JAZF1: variants seen among roughly 807,000 people sequenced by gnomAD.
The protein encoded by JAZF1 is JAZF zinc finger 1, also known as juxtaposed with another zinc finger protein 1.
A neutral mutation model predicts 26.4 loss-of-function variants in JAZF1; 8 were observed. That is an observed-to-expected ratio of 0.30 (90% CI 0.18 to 0.55). JAZF1 has a LOEUF of 0.55. Among genes scored for constraint, JAZF1 ranks in the 20% least tolerant of loss-of-function variants. The pLI, the probability that JAZF1 is intolerant of heterozygous loss-of-function variation, is 0.94. For synonymous variants in JAZF1, 126 were observed against 122.3 expected, an observed-to-expected ratio of 1.03 and a Z score of -0.20; for missense variants, 199 against 322.0, an observed-to-expected ratio of 0.62 and a Z score of 2.92.
At chr7:27,854,598 T>A (rs945883417) in intron 3 of JAZF1, among the ~76,000 whole-genome samples, 2 of 152,230 alleles carry the variant, frequency 1.3e-5, no homozygotes, top group African/African-American at 4.8e-5. Context: ...TGCTTCTCTG[T>A]AAAGGATGTT....
At chr7:27,970,100 C>T (rs75716372) in intron 2 of JAZF1, among the ~76,000 whole-genome samples, 2 of 152,020 alleles carry the variant, frequency 1.3e-5, no homozygotes, top group Non-Finnish European at 2.9e-5. Context: ...AAACTAGACA[C>T]CTGGAAGTAT....
chr7:28,049,007 T>TCCTC (rs149791475), intron 1 of JAZF1, among the ~76,000 whole-genome samples: 4,353 of 123,576 alleles, frequency 0.035, 183 homozygotes, highest in African/African-American at 0.082. Flanking sequence ...TTCCCTTCCT[T>TCCTC]CCTCCCTCCC....
chr7:28,119,289 T>A (rs1025704411), intron 1 of JAZF1, among the ~76,000 whole-genome samples: 11 of 152,194 alleles, frequency 7.2e-5, no homozygotes, highest in African/African-American at 2.7e-4. Context: ...TGATTTGCCC[T>A]TATATCATAT....
At chr7:27,990,830 T>C (rs1224975699) in intron 2 of JAZF1, among the ~76,000 whole-genome samples, 1 of 152,230 alleles carries the variant, frequency 6.6e-6, no homozygotes, top group Non-Finnish European at 1.5e-5. Context: ...GAAGGCGTTC[T>C]ATTTAACACA....
chr7:28,013,295 C>T (rs1782829478), intron 1 of JAZF1, among the ~76,000 whole-genome samples: 1 of 152,108 alleles, frequency 6.6e-6, no homozygotes, highest in Non-Finnish European at 1.5e-5. Context: ...GGAACCAGAC[C>T]TAGCATAGGG....
chr7:28,175,590 A>C (rs1184239718), intron 1 of JAZF1, among the ~76,000 whole-genome samples: 1 of 152,242 alleles, frequency 6.6e-6, no homozygotes, highest in Non-Finnish European at 1.5e-5. Context: ...GACAAGTGGC[A>C]GACATGTGTG....
chr7:28,118,753 G>A (rs1303951867), intron 1 of JAZF1, among the ~76,000 whole-genome samples: 3 of 132,182 alleles, frequency 2.3e-5, no homozygotes, highest in Admixed American at 8.2e-5. Context: ...CTATTTCTAA[G>A]AGAGTTTTAC....
At chr7:28,008,051 T>C (rs1782734647) in intron 1 of JAZF1, among the ~76,000 whole-genome samples, 1 of 152,150 alleles carries the variant, frequency 6.6e-6, no homozygotes, top group East Asian at 1.9e-4. Flanking sequence ...CTCCTTTGGG[T>C]GACTGATCTT....
chr7:28,061,093 T>C (rs373320379), intron 1 of JAZF1, among the ~76,000 whole-genome samples: 3 of 152,364 alleles, frequency 2.0e-5, no homozygotes, highest in African/African-American at 7.2e-5. Flanking sequence ...TTCCTACTTC[T>C]AAAATGGGAA....
intron 1 of JAZF1, among the ~76,000 whole-genome samples, chr7:28,013,493 T>C (rs1021646571): frequency 1.3e-5 from 2 of 152,140 alleles, no homozygotes; most frequent in Non-Finnish European, 2.9e-5. Context: ...GCATCCCCAG[T>C]GCTCCTGATT....
At chr7:27,980,510 G>C (rs974398876) in intron 2 of JAZF1, among the ~76,000 whole-genome samples, 10 of 152,020 alleles carry the variant, frequency 6.6e-5, no homozygotes, top group East Asian at 1.9e-4. Flanking sequence ...AATCCAAAAA[G>C]CTAGCTCCAT....
intron 1 of JAZF1, among the ~76,000 whole-genome samples, chr7:28,104,257 T>C (rs1353230091): frequency 6.6e-6 from 1 of 152,232 alleles, no homozygotes; most frequent in East Asian, 1.9e-4. Flanking sequence ...CTTTTCTCCA[T>C]GGCAGTTTCA....
At chr7:28,039,178 G>A (rs1167059441) in intron 1 of JAZF1, among the ~76,000 whole-genome samples, 2 of 152,122 alleles carry the variant, frequency 1.3e-5, no homozygotes, top group Non-Finnish European at 2.9e-5. Flanking sequence ...AGCCCTCCTT[G>A]GTGCAGGGCT....
At chr7:28,154,468 T>G (rs774464614) in intron 1 of JAZF1, among the ~76,000 whole-genome samples, 1 of 152,180 alleles carries the variant, frequency 6.6e-6, no homozygotes, top group East Asian at 1.9e-4. Flanking sequence ...TCATATCCAA[T>G]AGTCTGATGT....
chr7:28,050,245 G>A (rs1783589303), intron 1 of JAZF1, among the ~76,000 whole-genome samples: 1 of 152,150 alleles, frequency 6.6e-6, no homozygotes, highest in South Asian at 2.1e-4. Context: ...GGCATCAGGG[G>A]CAGAAACCAA....
intron 2 of JAZF1, among the ~76,000 whole-genome samples, chr7:27,909,995 T>A (rs1355380563): frequency 6.6e-6 from 1 of 152,194 alleles, no homozygotes; most frequent in Admixed American, 6.5e-5. Flanking sequence ...GCCAGCAGCA[T>A]AACCGCAGGG....
chr7:28,168,193 T>G (rs1006633854), intron 1 of JAZF1, among the ~76,000 whole-genome samples: 1 of 151,918 alleles, frequency 6.6e-6, no homozygotes, highest in Non-Finnish European at 1.5e-5. Flanking sequence ...CCATCCTGGC[T>G]AACATGGTGA....
chr7:28,129,818 A>G lies in JAZF1; in HGVS notation c.115+50645T>C, dbSNP rs997621171. On this transcript the variant is annotated intron_variant, in intron 1 of 4. Coordinates refer to ENST00000283928, the MANE Select transcript of JAZF1 (RefSeq NM_175061.4). ...ATCCAGAGATAAGTTGGTACATTAC[A>G]TTTTCCCAGATAACGTGCTGGCTGT... Among the ~76,000 whole-genome samples the G allele has an allele frequency of 2.3e-3, 345 of 152,322 alleles. 9 individuals are homozygous for G. Among genetic ancestry groups the G allele is most frequent in the Admixed American group, 0.021 (321 of 15,304 alleles).
intron 1 of JAZF1, among the ~76,000 whole-genome samples, chr7:28,069,155 C>G (rs775510833): frequency 2.0e-4 from 30 of 152,238 alleles, no homozygotes; most frequent in Non-Finnish European, 2.2e-4. Flanking sequence ...TTAACCAGCA[C>G]CACAGCTGGT....
Sources: allele counts gnomAD v4.1 joint callset (sites outside exome capture counted in the v4.1 genomes callset), GRCh38; gene constraint gnomAD v4.1.1; transcripts MANE v1.5; gene names NCBI Gene and HGNC (gene_info 2026-07-23, HGNC 2026-07-21).